Variants in ACYP2 observed in about 807,000 individuals in gnomAD.
ACYP2 encodes the protein acylphosphatase-2.
In ACYP2, 12 loss-of-function variants were observed where a neutral mutation model predicts 11.2. That is an observed-to-expected ratio of 1.08 (90% CI 0.69 to 1.74). ACYP2 has a LOEUF of 1.74. ACYP2 is among the 40% of genes most tolerant of loss of function. ACYP2 has a pLI of 0.00. For missense variants in ACYP2, 134 were observed against 101.9 expected, an observed-to-expected ratio of 1.31 and a Z score of -1.35; for synonymous variants, 43 against 32.2, an observed-to-expected ratio of 1.33 and a Z score of -1.13.
intron 4 of ACYP2, among the ~76,000 whole-genome samples, chr2:54,134,131 A>G (rs1043405063): frequency 1.4e-4 from 22 of 152,282 alleles, no homozygotes; most frequent in African/African-American, 5.1e-4. Context: ...AGTTTCCATT[A>G]GTACTTAGGC....
chr2:54,125,845 G>A (rs976612354), intron 4 of ACYP2, among the ~76,000 whole-genome samples: 3 of 152,134 alleles, frequency 2.0e-5, no homozygotes, highest in African/African-American at 4.8e-5. Flanking sequence ...ACTTTGGGGG[G>A]CCGAGGTGGG....
At chr2:54,078,033 T>C (rs1467799850) in intron 4 of ACYP2, among the ~76,000 whole-genome samples, 1 of 151,486 alleles carries the variant, frequency 6.6e-6, no homozygotes, top group Non-Finnish European at 1.5e-5. Context: ...GCAATGGCAC[T>C]GTCTCTGCTC....
chr2:54,060,890 T>C (rs1336049640), intron 4 of ACYP2, among the ~76,000 whole-genome samples: 1 of 151,940 alleles, frequency 6.6e-6, no homozygotes, highest in African/African-American at 2.4e-5. Context: ...AGCTTTCAAA[T>C]ACTTGTTTTT....
At chr2:54,046,870 A>T (rs1207358244) in intron 2 of ACYP2, among the ~76,000 whole-genome samples, 1 of 152,220 alleles carries the variant, frequency 6.6e-6, no homozygotes, top group Non-Finnish European at 1.5e-5. Flanking sequence ...TGAACATCTG[A>T]GTCTGAGAGA....
chr2:54,224,933 T>G (rs2103956423), intron 6 of ACYP2, among the ~76,000 whole-genome samples: 1 of 152,328 alleles, frequency 6.6e-6, no homozygotes. Context: ...GTAGGCAGGA[T>G]GGAAGAAAGG....
chr2:54,277,713 T>C (rs1255974709), intron 6 of ACYP2, among the ~76,000 whole-genome samples: 1 of 152,194 alleles, frequency 6.6e-6, no homozygotes, highest in Non-Finnish European at 1.5e-5. Context: ...AAAATTGTTT[T>C]ATAATTTCAT....
chr2:54,299,174 A>G (rs1217474669), intron 6 of ACYP2, among the ~76,000 whole-genome samples: 3 of 152,308 alleles, frequency 2.0e-5, no homozygotes, highest in Non-Finnish European at 4.4e-5. Context: ...TAAAGCACAC[A>G]TAACCAGACT....
chr2:54,155,579 T>A (rs139261208), intron 6 of ACYP2, among the ~76,000 whole-genome samples: 66 of 152,280 alleles, frequency 4.3e-4, no homozygotes, highest in South Asian at 1.2e-3. Flanking sequence ...ATACAGGTTG[T>A]TCACTCTTCA....
chr2:54,002,052 G>T (rs1209831531), intron 2 of ACYP2, among the ~76,000 whole-genome samples: 1 of 152,182 alleles, frequency 6.6e-6, no homozygotes, highest in East Asian at 1.9e-4. Context: ...TTCACCATTG[G>T]TGGTGTACAT....
At chr2:54,074,572 C>G (rs371973261) in intron 4 of ACYP2, among the ~76,000 whole-genome samples, 8 of 139,298 alleles carry the variant, frequency 5.7e-5, no homozygotes, top group African/African-American at 2.2e-4. Context: ...ATAAATAGAA[C>G]AGAATTTGTG....
At chr2:54,046,077 G>A (rs1409375082) in intron 2 of ACYP2, among the ~76,000 whole-genome samples, 1 of 149,676 alleles carries the variant, frequency 6.7e-6, no homozygotes, top group East Asian at 2.0e-4. Flanking sequence ...GGCTGAGGTA[G>A]GAGGATTGCT....
chr2:54,059,110 C>G (rs1676328735), intron 4 of ACYP2, among the ~76,000 whole-genome samples: 1 of 152,174 alleles, frequency 6.6e-6, no homozygotes, highest in Non-Finnish European at 1.5e-5. Flanking sequence ...GGGGTTTGTC[C>G]AAGATGGTGA....
At chr2:54,251,718 A>G (rs1334632277) in intron 6 of ACYP2, among the ~76,000 whole-genome samples, 1 of 152,194 alleles carries the variant, frequency 6.6e-6, no homozygotes. Context: ...TCCAGAGCAA[A>G]GGGCAGGTGT....
At chr2:54,108,118 T>C (rs2103713161) in intron 4 of ACYP2, among the ~76,000 whole-genome samples, 2 of 152,294 alleles carry the variant, frequency 1.3e-5, no homozygotes, top group Middle Eastern at 6.8e-3. Flanking sequence ...ACAGAATAAC[T>C]AAACTCCTCC....
At chr2:54,158,795 GT>G (rs1682565654) in intron 6 of ACYP2, among the ~76,000 whole-genome samples, 1 of 152,082 alleles carries the variant, frequency 6.6e-6, no homozygotes, top group Non-Finnish European at 1.5e-5. Context: ...TAAAAAAATT[GT>G]ATTGATTTAA....
intron 2 of ACYP2, among the ~76,000 whole-genome samples, chr2:54,030,019 C>A (rs1032497246): frequency 4.6e-5 from 7 of 152,176 alleles, no homozygotes; most frequent in South Asian, 4.1e-4. Flanking sequence ...CAAAGTGTTA[C>A]AATTTTCTTA....
intron 2 of ACYP2, among the ~76,000 whole-genome samples, chr2:53,989,246 C>T (rs1672170224): frequency 7.0e-6 from 1 of 141,966 alleles, no homozygotes; most frequent in Non-Finnish European, 1.5e-5. Flanking sequence ...ACATATCTTT[C>T]AATAACAAAA....
At chr2:54,133,624 A>C (rs7574376) in intron 4 of ACYP2, among the ~76,000 whole-genome samples, 44,828 of 152,040 alleles carry the variant, frequency 0.29, 7,271 homozygotes, top group African/African-American at 0.45. Context: ...GCATATCTAT[A>C]CCAAAGAAGC....
At chr2:54,259,180 A>G (rs1687676915) in intron 6 of ACYP2, among the ~76,000 whole-genome samples, 2 of 152,216 alleles carry the variant, frequency 1.3e-5, no homozygotes, top group South Asian at 4.1e-4. Context: ...TGAAGGTTAT[A>G]ATGAGGAAGA....
Sources: allele counts gnomAD v4.1 joint callset (sites outside exome capture counted in the v4.1 genomes callset), GRCh38; gene constraint gnomAD v4.1.1; transcripts MANE v1.5; gene names NCBI Gene and HGNC (gene_info 2026-07-23, HGNC 2026-07-21).